The following RBKS variants were observed in gnomAD, a reference collection of about 807,000 sequenced individuals.
RBKS encodes ribokinase.
Under a neutral mutation model 33.9 loss-of-function variants are expected in RBKS, and 33 were observed. The ratio of observed to expected loss-of-function variants is 0.97; its 90% confidence interval spans 0.74 to 1.30. The LOEUF (loss-of-function observed/expected upper bound fraction) is 1.30. Ranked by LOEUF, RBKS falls within the 50% of genes most tolerant of loss-of-function variation. The pLI, the probability that RBKS is intolerant of heterozygous loss-of-function variation, is 0.00. For synonymous variants in RBKS, 125 were observed against 143.0 expected, an observed-to-expected ratio of 0.87 and a Z score of 0.90; for missense variants, 361 against 392.6, an observed-to-expected ratio of 0.92 and a Z score of 0.68.
chr2:27,830,495 A>T (rs1558543923), intron 6 of RBKS, among the ~76,000 whole-genome samples: 1 of 152,028 alleles, frequency 6.6e-6, no homozygotes, highest in Non-Finnish European at 1.5e-5. Context: ...TGAACTCCTG[A>T]CCTCATGATC....
intron 7 of RBKS, among the ~76,000 whole-genome samples, chr2:27,814,045 G>C (rs1678041717): frequency 6.6e-6 from 1 of 151,728 alleles, no homozygotes; most frequent in Non-Finnish European, 1.5e-5. Context: ...GCAACAAAGT[G>C]AGACGCCAGC....
At chr2:27,868,592 C>A (rs918095383) in intron 1 of RBKS, among the ~76,000 whole-genome samples, 1 of 152,120 alleles carries the variant, frequency 6.6e-6, no homozygotes, top group South Asian at 2.1e-4. Flanking sequence ...GCATAAGAAA[C>A]AATAATTCTA....
intron 7 of RBKS, among the ~76,000 whole-genome samples, chr2:27,798,960 C>G (rs1279803654): frequency 6.6e-6 from 1 of 152,168 alleles, no homozygotes; most frequent in African/African-American, 2.4e-5. Flanking sequence ...CTGCCCCCTG[C>G]CCTCCCCTTG....
chr2:27,845,319 C>T (rs1663601437), intron 4 of RBKS, among the ~76,000 whole-genome samples: 1 of 152,196 alleles, frequency 6.6e-6, no homozygotes, highest in Non-Finnish European at 1.5e-5. Context: ...CAAACTCACT[C>T]CTTCATTTAA....
intron 1 of RBKS, among the ~76,000 whole-genome samples, chr2:27,871,262 A>AAAAC (rs540716644): frequency 1.5e-4 from 23 of 152,286 alleles, no homozygotes; most frequent in African/African-American, 3.6e-4. Flanking sequence ...CGTGTTCACT[A>AAAAC]AAACAAACAA....
chr2:27,879,047 G>A (rs1664370407), intron 1 of RBKS, among the ~76,000 whole-genome samples: 1 of 152,164 alleles, frequency 6.6e-6, no homozygotes, highest in Non-Finnish European at 1.5e-5. Context: ...AGCCATATGT[G>A]CCTCAGCACA....
intron 1 of RBKS, among the ~76,000 whole-genome samples, chr2:27,859,709 G>A (rs1261904025): frequency 6.6e-6 from 1 of 152,178 alleles, no homozygotes; most frequent in African/African-American, 2.4e-5. Context: ...ACCAAAAAAG[G>A]TTAACTAGCT....
chr2:27,824,283 A>G lies in RBKS; in HGVS notation c.795+3284T>C, dbSNP rs533939441. Among the ~76,000 whole-genome samples the G allele has an allele frequency of 8.5e-5, 13 of 152,324 alleles. No individual in the cohort carries two copies. In the South Asian group the frequency reaches 1.9e-3, roughly 22 times the overall value. On this transcript the variant is annotated intron_variant, in intron 7 of 7. Coordinates refer to ENST00000302188, the MANE Select transcript of RBKS (RefSeq NM_022128.3). The stretch of plus-strand genomic sequence containing the variant: ...ACATAAATAACTCAGTGCATTTAGT[A>G]TTGTCACAATGTTGTACAATCACCG...
chr2:27,885,973 T>C (rs150594799), intron 1 of RBKS, among the ~76,000 whole-genome samples: 25 of 152,296 alleles, frequency 1.6e-4, no homozygotes, highest in African/African-American at 5.5e-4. Context: ...ATTCACACAT[T>C]GTTGTTTTGT....
At chr2:27,840,311 G>A (rs948680364) in intron 5 of RBKS, among the ~76,000 whole-genome samples, 3 of 142,922 alleles carry the variant, frequency 2.1e-5, no homozygotes, top group Non-Finnish European at 4.5e-5. Context: ...TCTTGCATAT[G>A]AGAATGATGA....
chr2:27,792,070 C>A (rs974072801), intron 7 of RBKS, among the ~76,000 whole-genome samples: 1 of 152,136 alleles, frequency 6.6e-6, no homozygotes, highest in African/African-American at 2.4e-5. Context: ...CAGTTACTTC[C>A]TGGGTTTACT....
In RBKS at chr2:27,823,688, C is replaced by T. The variant is rs1266217211; in HGVS notation, c.795+3879G>A. Among the ~76,000 whole-genome samples the T allele has an allele frequency of 3.3e-5, 5 of 152,076 alleles. No homozygotes were observed. The Middle Eastern group carries it at 0.01, about 310-fold the overall frequency. On this transcript the variant is annotated intron_variant, in intron 7 of 7. Coordinates refer to ENST00000302188, the MANE Select transcript of RBKS (RefSeq NM_022128.3). Reference sequence around the variant, plus strand: ...ATAATGAAAGTGCTGGATGAGAGGACGAAGACAGCATAAAAAAGATGAGGA... The same window carrying T: ...ATAATGAAAGTGCTGGATGAGAGGATGAAGACAGCATAAAAAAGATGAGGA...
chr2:27,851,403 G>A (rs72810546), intron 2 of RBKS, among the ~76,000 whole-genome samples: 2,351 of 152,116 alleles, frequency 0.015, 32 homozygotes, highest in South Asian at 0.054. Flanking sequence ...TATTGTTGGC[G>A]ATTTCATATT....
intron 1 of RBKS, among the ~76,000 whole-genome samples, chr2:27,862,532 T>G (rs777289983): frequency 5.3e-5 from 8 of 152,222 alleles, no homozygotes; most frequent in Non-Finnish European, 1.2e-4. Flanking sequence ...AGGTGTCACC[T>G]AACAGAGCCT....
intron 4 of RBKS, among the ~76,000 whole-genome samples, chr2:27,844,703 A>G (rs371787521): frequency 1.3e-5 from 2 of 152,144 alleles, no homozygotes; most frequent in Non-Finnish European, 1.5e-5. Flanking sequence ...AGCCAAGATA[A>G]ATTTTTGATT....
intron 7 of RBKS, among the ~76,000 whole-genome samples, chr2:27,805,886 A>G (rs1677886760): frequency 6.9e-6 from 1 of 145,152 alleles, no homozygotes; most frequent in South Asian, 2.2e-4. Context: ...AAAAATGGAT[A>G]TATTTTTCTT....
intron 7 of RBKS, among the ~76,000 whole-genome samples, chr2:27,790,503 T>G (rs2148183086): frequency 6.6e-6 from 1 of 152,278 alleles, no homozygotes; most frequent in East Asian, 1.9e-4. Context: ...AGATAAGCCA[T>G]GGACTGGGAT....
chr2:27,858,773 C>T (rs1248228289), intron 1 of RBKS, among the ~76,000 whole-genome samples: 1 of 152,162 alleles, frequency 6.6e-6, no homozygotes, highest in East Asian at 1.9e-4. Flanking sequence ...GTCTCCTTGA[C>T]AGAATTCCTC....
intron 7 of RBKS, among the ~76,000 whole-genome samples, chr2:27,794,347 T>TAATAAA (rs1467387349): frequency 3.5e-5 from 5 of 143,110 alleles, no homozygotes; most frequent in Admixed American, 1.4e-4. Context: ...ATAATAATAA[T>TAATAAA]AAAGAAATTT....
Sources: allele counts gnomAD v4.1 joint callset (sites outside exome capture counted in the v4.1 genomes callset), GRCh38; gene constraint gnomAD v4.1.1; transcripts MANE v1.5; gene names NCBI Gene and HGNC (gene_info 2026-07-23, HGNC 2026-07-21).